DST: variants seen among roughly 807,000 people sequenced by gnomAD.
DST encodes the protein bullous pemphigoid antigen.
Under a neutral mutation model 875.2 loss-of-function variants are expected in DST, and 253 were observed. That is an observed-to-expected ratio of 0.29 (90% CI 0.26 to 0.32). DST has a LOEUF of 0.32. Among genes scored for constraint, DST ranks in the 10% least tolerant of loss-of-function variants. The pLI is 1.00. For missense variants in DST, 8,287 were observed against 9,111.6 expected, an observed-to-expected ratio of 0.91 and a Z score of 3.68; for synonymous variants, 3,124 against 3,197.1, an observed-to-expected ratio of 0.98 and a Z score of 0.77.
chr6:56,868,948 C>T (rs1775645948), intron 3 of DST, among the ~76,000 whole-genome samples: 1 of 152,124 alleles, frequency 6.6e-6, no homozygotes, highest in Admixed American at 6.5e-5. Flanking sequence ...TGCTTTAAGA[C>T]CAAGAGATAA....
chr6:56,831,172 C>A lies in DST; in HGVS notation c.625+20225G>T, dbSNP rs972335232. Among the ~76,000 whole-genome samples, 3 of 152,162 alleles carry A rather than the reference C, an allele frequency of 2.0e-5. No individual in the cohort carries two copies. In the South Asian group the frequency reaches 6.2e-4, roughly 32 times the overall value. On this transcript the variant is annotated intron_variant, in intron 4 of 103. Coordinates refer to ENST00000680361, the MANE Select transcript of DST (RefSeq NM_001374736.1). Reference sequence around the variant, plus strand: ...CTACACCATATTAAGAGTGTCACATCCAATCTTTACATTTGCTGAGCCATG... The same window carrying A: ...CTACACCATATTAAGAGTGTCACATACAATCTTTACATTTGCTGAGCCATG...
In DST at chr6:56,458,959, TTAAA is replaced by T. The variant is rs1433986201; in HGVS notation, c.*42_*45del. On this transcript the variant is annotated 3_prime_UTR_variant, in exon 104 of 104. Transcript: ENST00000680361. ...ACACCATATTTTACATCGTTCAAAC[TTAAA>T]TAATAAATGCTCAAGGAAGGGCCTT... is the stretch of plus-strand genomic sequence containing the variant. 6.7e-7 allele frequency: 1 copy of T among 1,494,682 alleles called. No individual in the cohort carries two copies. Among genetic ancestry groups the T allele is most frequent in the Non-Finnish European group, 8.9e-7 (1 of 1,120,108 alleles). 92.6% of individuals were successfully genotyped at this position (1,494,682 alleles called of 1,614,324 possible).
intron 88 of DST, among the ~76,000 whole-genome samples, 152 bp from the exon 89 acceptor site, chr6:56,483,029 A>G (rs1210053734): frequency 1.3e-5 from 2 of 152,242 alleles, no homozygotes; most frequent in African/African-American, 4.8e-5. Context: ...TCTTCAGAAG[A>G]TAAATGACAC....
chr6:56,530,963 T>C (rs2096886981), intron 64 of DST, among the ~76,000 whole-genome samples: 1 of 152,182 alleles, frequency 6.6e-6, no homozygotes, highest in Non-Finnish European at 1.5e-5. Flanking sequence ...GGGAATTACA[T>C]GTTTTGAAAA....
intron 36 of DST, chr6:56,619,714 C>T (rs750009948): frequency 1.2e-6 from 2 of 1,614,090 alleles, no homozygotes; most frequent in Non-Finnish European, 1.7e-6. Context: ...GCCTACCAAG[C>T]TCTCTGAGTT....
At chr6:56,917,969 T>C (rs1802111584) in intron 2 of DST, among the ~76,000 whole-genome samples, 2 of 152,194 alleles carry the variant, frequency 1.3e-5, no homozygotes, top group South Asian at 4.1e-4. Flanking sequence ...GTTTTGAATC[T>C]TCAAATACAT....
chr6:56,851,363 CCCCCACTCCATCCCCTT>C lies in DST; in HGVS notation c.625+17_625+33del. 1 of 1,592,792 alleles carries C rather than the reference CCCCCACTCCATCCCCTT, an allele frequency of 6.3e-7. No homozygotes were observed. ...ATGGGCGAATTTCCGCAACTCTCTT[CCCCCACTCCATCCCCTT>C]CCCCAGATGCTCTTACCTGCTATCC... On this transcript the variant is annotated intron_variant, in intron 4 of 103. Coordinates refer to ENST00000680361, the MANE Select transcript of DST (RefSeq NM_001374736.1).
chr6:56,670,721 A>G lies in DST; in HGVS notation c.1134T>C (p.Gly378=). 1 of 1,610,442 alleles carries G rather than the reference A, an allele frequency of 6.2e-7. No homozygotes were observed. Reference sequence around the variant, plus strand: ...AATTTTCACACCGAATTCCAGCATAACCCTCTGTTGCCTGCTGCGTCCAGA... The same window carrying G: ...AATTTTCACACCGAATTCCAGCATAGCCCTCTGTTGCCTGCTGCGTCCAGA... ...LLLWTQQATE[G]YAGIRCENFT... Residue 378 remains glycine (G), a synonymous_variant, in exon 10 of 104, where the codon GGT becomes GGC. Transcript: ENST00000680361.
intron 13 of DST, among the ~76,000 whole-genome samples, chr6:56,647,960 A>G (rs1038544748): frequency 1.3e-5 from 2 of 152,124 alleles, no homozygotes; most frequent in African/African-American, 4.8e-5. Context: ...TGCTGGGATT[A>G]CGGGTGTGAC....
intron 10 of DST, among the ~76,000 whole-genome samples, chr6:56,660,913 T>C (rs1462262782): frequency 6.6e-6 from 1 of 152,036 alleles, no homozygotes; most frequent in Non-Finnish European, 1.5e-5. Context: ...CAAGCTTAGT[T>C]AGTACTTCAA....
Position 56,631,893 on chromosome 6 carries a change from G to C in DST, c.3953C>G (p.Thr1318Arg). 6.2e-7 allele frequency: 1 copy of C among 1,613,886 alleles called. No individual in the cohort carries two copies. The highest frequency in any genetic ancestry group is 8.5e-7 in the Non-Finnish European group (1 of 1,179,898). The change falls in exon 29 of 104, where the codon ACA becomes AGA. Residue 1318 changes from threonine to arginine, a missense_variant. By Grantham distance (71) the Thr-to-Arg change is moderately conservative. This residue lies in a region of DST where 3,138 missense variants were observed against 3,116.6 expected (regional missense o/e 1.01). Transcript: ENST00000680361. ...ATTTATAGCTCTCACCTCCTGTTCT[G>C]TGATTCTGAACACACTTTCATGCAA... The part of the protein sequence containing the change: ...DDLHESVFRI[T>R]EQEKLKKELE...
At chr6:56,669,287 CAAAAAAAA>C (rs1055863442) in intron 10 of DST, among the ~76,000 whole-genome samples, 1 of 69,382 alleles carries the variant, frequency 1.4e-5, no homozygotes, top group African/African-American at 5.1e-5. Context: ...TTTGTAAAAC[CAAAAAAAA>C]AAAAAAAAAA....
intron 61 of DST, among the ~76,000 whole-genome samples, chr6:56,549,190 G>A (rs2097279002): frequency 6.6e-6 from 1 of 152,122 alleles, no homozygotes; most frequent in African/African-American, 2.4e-5. Context: ...ATTATTCTCA[G>A]TTCTGCTCAG....
intron 70 of DST, 96 bp downstream of exon 70, chr6:56,517,405 G>T (rs2096615554): frequency 1.3e-6 from 2 of 1,581,996 alleles, no homozygotes; most frequent in Admixed American, 1.7e-5. Context: ...CGTTACACTA[G>T]AGGGGTCTTA....
intron 23 of DST, among the ~76,000 whole-genome samples, chr6:56,636,318 GTA>G (rs1163065651): frequency 1.3e-5 from 2 of 149,054 alleles, no homozygotes; most frequent in African/African-American, 2.5e-5. Context: ...AACAGTGTGT[GTA>G]TATATGTGTA....
At chr6:56,793,414 T>A (rs759771215) in intron 4 of DST, among the ~76,000 whole-genome samples, 7 of 152,188 alleles carry the variant, frequency 4.6e-5, no homozygotes, top group African/African-American at 2.4e-5. Flanking sequence ...TAACACTCAG[T>A]GAACTAAGGT....
chr6:56,714,298 T>A lies in DST; in HGVS notation c.688-9929A>T, dbSNP rs1484695350. 6.6e-6 allele frequency among the ~76,000 whole-genome samples: 1 copy of A among 152,226 alleles called. No homozygotes were observed. The highest frequency in any genetic ancestry group is 2.4e-5 in the African/African-American group (1 of 41,458). Reference sequence around the variant, plus strand: ...TATATACACTCCTGTTAAATTAATCTCTGCAACAGAAATATACTTTCTGTA... The same window carrying A: ...TATATACACTCCTGTTAAATTAATCACTGCAACAGAAATATACTTTCTGTA... On this transcript the variant is annotated intron_variant, in intron 5 of 103. Transcript: ENST00000680361. The surrounding 1 kb of genome is among the most constrained non-coding windows in gnomAD (Gnocchi z 4.5).
chr6:56,885,428 T>C (rs1221500689), intron 3 of DST, among the ~76,000 whole-genome samples: 2 of 152,188 alleles, frequency 1.3e-5, no homozygotes, highest in Non-Finnish European at 2.9e-5. Flanking sequence ...CCATTTTACA[T>C]TCCCACCAAG....
At chr6:56,689,520 T>C (rs1476296095) in intron 9 of DST, among the ~76,000 whole-genome samples, 1 of 152,192 alleles carries the variant, frequency 6.6e-6, no homozygotes, top group Non-Finnish European at 1.5e-5. Flanking sequence ...TGACAGAAGA[T>C]ATTCTGATTA....
Sources: allele counts gnomAD v4.1 joint callset (sites outside exome capture counted in the v4.1 genomes callset), GRCh38; gene constraint gnomAD v4.1.1; regional missense constraint gnomAD v4.1.1; non-coding constraint Gnocchi (gnomAD v3.1); transcripts MANE v1.5; gene names NCBI Gene and HGNC (gene_info 2026-07-23, HGNC 2026-07-21).